Variants in MALRD1 observed in about 807,000 individuals in gnomAD.
MALRD1 encodes the protein MAM and LDL-receptor class A domain-containing protein 1.
MALRD1 carries 247 observed loss-of-function variants against 242.1 expected under a neutral mutation model. The observed-to-expected ratio is 1.02, with a 90% CI of 0.92 to 1.13. MALRD1 has a LOEUF of 1.13. Among genes scored for constraint, MALRD1 ranks in the 50% most tolerant of loss-of-function variants. The pLI is 0.00. For synonymous variants in MALRD1, 995 were observed against 866.6 expected (o/e 1.15, Z -2.60); for missense variants, 2,989 against 2,533.1 (o/e 1.18, Z -3.86).
chr10:19,138,266 T>G (rs1264624068), intron 10 of MALRD1, among the ~76,000 whole-genome samples: 1 of 152,194 alleles, frequency 6.6e-6, no homozygotes, highest in Non-Finnish European at 1.5e-5. Context: ...ATTTATTTAC[T>G]CCAATGTATG....
chr10:19,530,551 T>TAC (rs546982304), intron 31 of MALRD1, among the ~76,000 whole-genome samples: 411 of 146,444 alleles, frequency 2.8e-3, no homozygotes, highest in African/African-American at 6.2e-3. Flanking sequence ...AAGGAAAAAA[T>TAC]ACACACACAC....
At chr10:19,480,570 G>A (rs185041276) in intron 29 of MALRD1, among the ~76,000 whole-genome samples, 211 of 152,320 alleles carry the variant, frequency 1.4e-3, no homozygotes, top group African/African-American at 4.5e-3. Context: ...TCCAGAATGG[G>A]AGGGGTTGAC....
intron 29 of MALRD1, among the ~76,000 whole-genome samples, chr10:19,473,294 T>TA (rs1195244026): frequency 4.0e-5 from 6 of 151,776 alleles, no homozygotes; most frequent in East Asian, 1.9e-4. Flanking sequence ...TAGGTAATTT[T>TA]TAAAAAAGTA....
At chr10:19,689,323 T>C (rs184742510) in intron 36 of MALRD1, among the ~76,000 whole-genome samples, 29 of 152,212 alleles carry the variant, frequency 1.9e-4, no homozygotes, top group Admixed American at 1.5e-3. Context: ...CTCGGGAGGA[T>C]AGAATTGCAT....
intron 18 of MALRD1, among the ~76,000 whole-genome samples, chr10:19,229,776 C>T (rs898525257): frequency 1.3e-5 from 2 of 152,022 alleles, no homozygotes; most frequent in Non-Finnish European, 1.5e-5. Flanking sequence ...CTAGATGTAA[C>T]CTCTATATCT....
chr10:19,445,267 C>T (rs1042758908), intron 28 of MALRD1, among the ~76,000 whole-genome samples: 19 of 152,266 alleles, frequency 1.2e-4, no homozygotes, highest in Admixed American at 3.9e-4. Flanking sequence ...TCCTTTAGCC[C>T]GGAGAAGTTT....
intron 12 of MALRD1, among the ~76,000 whole-genome samples, chr10:19,157,054 C>G (rs568242983): frequency 6.6e-6 from 1 of 152,088 alleles, no homozygotes; most frequent in Non-Finnish European, 1.5e-5. Flanking sequence ...TTGTTTTTCA[C>G]GCTTTTCTCT....
chr10:19,557,288 T>C (rs7915396), intron 32 of MALRD1, among the ~76,000 whole-genome samples: 56 of 152,234 alleles, frequency 3.7e-4, no homozygotes, highest in African/African-American at 1.3e-3. Context: ...GTTTTTAATT[T>C]AACAAAGTCC....
chr10:19,352,045 G>A lies in MALRD1; in HGVS notation c.4189G>A (p.Ala1397Thr), dbSNP rs1008804009. The A allele has an allele frequency of 4.5e-6, 7 of 1,550,158 alleles. No individual in the cohort carries two copies. Among genetic ancestry groups the A allele is most frequent in the South Asian group, 1.2e-5 (1 of 84,050 alleles). ...TCACATGTATGGAAATGGCATTGGG[G>A]CACTCACCTTAATGCAGGTGTCAGT... is the stretch of plus-strand genomic sequence containing the variant. ...HYHMYGNGIG[A>T]LTLMQVSVTN... is the part of the protein sequence containing the mutation. Residue 1397 changes from alanine to threonine, a missense_variant, in exon 26 of 40, where the codon GCA becomes ACA. Ala to Thr is a moderately conservative substitution (Grantham distance 58). Coordinates refer to ENST00000454679, the MANE Select transcript of MALRD1 (RefSeq NM_001142308.3).
At chr10:19,321,485 A>G in intron 21 of MALRD1, among the ~76,000 whole-genome samples, 1 of 152,114 alleles carries the variant, frequency 6.6e-6, no homozygotes, top group East Asian at 1.9e-4. Context: ...TTATTTCAAA[A>G]CTATGTTTTA....
At position 19,438,043 on chromosome 10, in the gene MALRD1, T is replaced by C. The variant is rs147789805; in HGVS notation, c.4846-12264T>C. 6.2e-3 allele frequency among the ~76,000 whole-genome samples: 936 copies of C among 152,148 alleles called. 5 individuals carry two copies. The highest frequency in any genetic ancestry group is 0.021 in the African/African-American group (879 of 41,558). On this transcript the variant is annotated intron_variant, in intron 28 of 39. Coordinates refer to ENST00000454679, the MANE Select transcript of MALRD1 (RefSeq NM_001142308.3). Reference sequence around the variant, plus strand: ...GAGTTTTAGATTTTTTTATTTTAAATTGTGGTAAAGTCTATTTAAGAGCTC... The same window carrying C: ...GAGTTTTAGATTTTTTTATTTTAAACTGTGGTAAAGTCTATTTAAGAGCTC...
chr10:19,524,318 A>G (rs1038054441), intron 31 of MALRD1, among the ~76,000 whole-genome samples: 1 of 152,142 alleles, frequency 6.6e-6, no homozygotes, highest in Non-Finnish European at 1.5e-5. Flanking sequence ...TCTACTAAAA[A>G]TACAAAAAAT....
At chr10:19,624,773 G>C (rs1302482535) in intron 36 of MALRD1, among the ~76,000 whole-genome samples, 1 of 151,386 alleles carries the variant, frequency 6.6e-6, no homozygotes, top group Non-Finnish European at 1.5e-5. Flanking sequence ...GGCTAAGGCA[G>C]GAGAATCACC....
At chr10:19,725,915 C>G (rs547331212) in intron 38 of MALRD1, among the ~76,000 whole-genome samples, 4 of 152,036 alleles carry the variant, frequency 2.6e-5, no homozygotes, top group African/African-American at 9.7e-5. Flanking sequence ...CAGATGGACC[C>G]CCTACTTCAC....
chr10:19,360,008 G>T (rs1432800712), intron 26 of MALRD1, among the ~76,000 whole-genome samples: 1 of 151,958 alleles, frequency 6.6e-6, no homozygotes, highest in Non-Finnish European at 1.5e-5. Context: ...AATGATGGTA[G>T]ATATGGAATA....
chr10:19,602,693 T>A (rs149115159), intron 34 of MALRD1, among the ~76,000 whole-genome samples: 2,062 of 152,182 alleles, frequency 0.014, 34 homozygotes, highest in African/African-American at 0.047. Flanking sequence ...TGATTTATAA[T>A]CCTTTGGGTA....
intron 5 of MALRD1, among the ~76,000 whole-genome samples, chr10:19,114,142 A>G (rs770456371): frequency 3.9e-5 from 6 of 152,214 alleles, no homozygotes; most frequent in Non-Finnish European, 8.8e-5. Context: ...TAAGAATATT[A>G]TATTATTTCT....
intron 29 of MALRD1, among the ~76,000 whole-genome samples, chr10:19,472,971 T>C (rs540091713): frequency 6.6e-6 from 1 of 151,144 alleles, no homozygotes; most frequent in Non-Finnish European, 1.5e-5. Context: ...CATATATTTT[T>C]TAAATATGCA....
rs145573779 is a variant in MALRD1 at position 19,651,301 on chromosome 10, T to C, written c.6137+35378T>C. 2.6e-3 allele frequency among the ~76,000 whole-genome samples: 397 copies of C among 152,304 alleles called. 6 individuals are homozygous for C. The East Asian group carries it at 0.059, about 23-fold the overall frequency. On this transcript the variant is annotated intron_variant, in intron 36 of 39. Transcript: ENST00000454679. The stretch of plus-strand genomic sequence containing the variant: ...TATGTTGGGATGTGCTATGGTGATC[T>C]AGTTCTTATCTAACTTCAGAAAAGT...
Sources: gnomAD v4.1 joint callset for allele counts (sites outside exome capture counted in the v4.1 genomes callset) on GRCh38, gnomAD v4.1.1 for gene constraint, MANE v1.5 for transcripts, NCBI Gene and HGNC (gene_info 2026-07-23, HGNC 2026-07-21) for gene names.